The following LRP1B variants were observed in gnomAD, a reference collection of about 807,000 sequenced individuals.
The protein encoded by LRP1B is LDL receptor related protein 1B.
A neutral mutation model predicts 556.6 loss-of-function variants in LRP1B; 217 were observed. The ratio of observed to expected loss-of-function variants is 0.39; its 90% CI spans 0.35 to 0.44. The LOEUF is 0.44. Among genes scored for constraint, LRP1B ranks in the 20% least tolerant of loss-of-function variants. LRP1B has a pLI of 1.00. For missense variants in LRP1B, 5,053 were observed against 5,620.8 expected, an observed-to-expected ratio of 0.90 and a Z score of 3.23; for synonymous variants, 2,047 against 1,865.8, an observed-to-expected ratio of 1.10 and a Z score of -2.50.
intron 2 of LRP1B, among the ~76,000 whole-genome samples, chr2:141,679,684 T>A (rs1167539549): frequency 1.3e-5 from 2 of 152,092 alleles, no homozygotes; most frequent in Non-Finnish European, 2.9e-5. Context: ...CTGGACAAAC[T>A]AAATATACAT....
rs956966636 is a variant in LRP1B, at chr2:141,185,995, C to T, written c.1013+2426G>A. ...TCAGGAGGCTGAGGCAGGAGAATCG[C>T]TTGAACCCTGGAGGCAGAGGTTGCA... On this transcript the variant is annotated intron_variant, in intron 7 of 90. Transcript: ENST00000389484. Among the ~76,000 whole-genome samples, 36 of 141,290 alleles carry T rather than the reference C, an allele frequency of 2.5e-4. 1 individual carries two copies. The highest frequency in any genetic ancestry group is 9.1e-4 in the African/African-American group (35 of 38,270). 92.7% of individuals were successfully genotyped at this position (141,290 alleles called of 152,430 possible). A position where few individuals can be genotyped will look rare whatever the true frequency, so the allele number is the denominator to read the frequency against.
intron 2 of LRP1B, among the ~76,000 whole-genome samples, chr2:141,751,300 C>T (rs1316456948): frequency 6.6e-6 from 1 of 151,906 alleles, no homozygotes; most frequent in Admixed American, 6.6e-5. Context: ...AAAGCCAATT[C>T]TGGAAAATAC....
intron 3 of LRP1B, among the ~76,000 whole-genome samples, chr2:141,331,305 G>T (rs1168332403): frequency 1.3e-5 from 2 of 152,080 alleles, no homozygotes; most frequent in African/African-American, 4.8e-5. Flanking sequence ...GAGCTCAAAT[G>T]AATTTTAAAA....
At chr2:141,084,884 C>T (rs1344407171) in intron 7 of LRP1B, among the ~76,000 whole-genome samples, 2 of 151,968 alleles carry the variant, frequency 1.3e-5, no homozygotes, top group Admixed American at 6.6e-5. Flanking sequence ...CTCCTGACCT[C>T]GTGATCCGCC....
chr2:140,727,436 T>C (rs1327512167), intron 35 of LRP1B, among the ~76,000 whole-genome samples: 1 of 152,122 alleles, frequency 6.6e-6, no homozygotes, highest in African/African-American at 2.4e-5. Flanking sequence ...CTCATGCTGG[T>C]TGAAACCTCT....
intron 10 of LRP1B, among the ~76,000 whole-genome samples, chr2:141,050,343 T>C (rs765721285): frequency 6.6e-6 from 1 of 151,978 alleles, no homozygotes; most frequent in African/African-American, 2.4e-5. Flanking sequence ...TTTTTAAAAA[T>C]TTTACTTTAA....
intron 31 of LRP1B, among the ~76,000 whole-genome samples, chr2:140,818,119 T>C (rs114124641): frequency 0.042 from 3,013 of 72,094 alleles, 100 homozygotes; most frequent in African/African-American, 0.085. Flanking sequence ...CTGGGCCTTT[T>C]AAATTTTGCT....
At chr2:140,347,291 A>T (rs1000860495) in intron 77 of LRP1B, among the ~76,000 whole-genome samples, 1 of 151,774 alleles carries the variant, frequency 6.6e-6, no homozygotes, top group Non-Finnish European at 1.5e-5. Flanking sequence ...ATTATTTCTT[A>T]AACGAAAAAA....
intron 3 of LRP1B, among the ~76,000 whole-genome samples, chr2:141,306,053 CTTG>C (rs1278535713): frequency 3.9e-5 from 6 of 152,002 alleles, no homozygotes; most frequent in East Asian, 3.9e-4. Context: ...GTTTTCTTTC[CTTG>C]TTGTATCTTT....
At chr2:141,920,246 G>A (rs533650727) in intron 1 of LRP1B, among the ~76,000 whole-genome samples, 1 of 126,486 alleles carries the variant, frequency 7.9e-6, no homozygotes, top group African/African-American at 2.9e-5. Context: ...CCAGGATGGT[G>A]ATCTCTGTTT....
intron 3 of LRP1B, among the ~76,000 whole-genome samples, chr2:141,298,231 T>C (rs543314534): frequency 6.6e-6 from 1 of 152,298 alleles, no homozygotes; most frequent in East Asian, 1.9e-4. Flanking sequence ...AGGTGTGTAG[T>C]AAAAATGTGG....
At chr2:141,942,756 T>A (rs140989095) in intron 1 of LRP1B, among the ~76,000 whole-genome samples, 2 of 152,066 alleles carry the variant, frequency 1.3e-5, no homozygotes, top group South Asian at 4.1e-4. Context: ...TCTTTAGGGG[T>A]CTTTCTATTT....
intron 43 of LRP1B, among the ~76,000 whole-genome samples, chr2:140,568,340 T>C (rs1429248352): frequency 6.7e-6 from 1 of 149,110 alleles, no homozygotes; most frequent in Non-Finnish European, 1.5e-5. Context: ...ATGAATAAAA[T>C]AAAAAAATAT....
chr2:141,482,955 TTTTTA>T (rs1682977543), intron 2 of LRP1B, among the ~76,000 whole-genome samples: 1 of 151,050 alleles, frequency 6.6e-6, no homozygotes, highest in Non-Finnish European at 1.5e-5. Context: ...TTGTTTTGTT[TTTTTA>T]TTTTATTTTA....
intron 41 of LRP1B, among the ~76,000 whole-genome samples, chr2:140,616,734 A>C (rs988960589): frequency 4.6e-5 from 7 of 151,948 alleles, no homozygotes; most frequent in African/African-American, 1.7e-4. Context: ...ATATGCTGAC[A>C]GAAAATTATT....
intron 1 of LRP1B, among the ~76,000 whole-genome samples, chr2:141,924,463 A>G (rs1700282275): frequency 6.6e-6 from 1 of 152,128 alleles, no homozygotes; most frequent in South Asian, 2.1e-4. Context: ...AGAGCTAAGG[A>G]TACAGAAAGC....
At position 140,878,380 on chromosome 2, in the gene LRP1B, C is replaced by T. The variant is rs528325180; in HGVS notation, c.4169+5437G>A. Among the ~76,000 whole-genome samples the T allele has an allele frequency of 1.8e-3, 275 of 151,786 alleles. 1 individual carries two copies. Among genetic ancestry groups the T allele is most frequent in the African/African-American group, 5.9e-3 (246 of 41,368 alleles). On this transcript the variant is annotated intron_variant, in intron 25 of 90. Transcript: ENST00000389484. ...TATTAATTATCTGAAAATATTAGCA[C>T]GAAATTATTTATAAACAAAATTAAT... is the stretch of plus-strand genomic sequence containing the variant.
intron 45 of LRP1B, among the ~76,000 whole-genome samples, chr2:140,537,510 TC>T (rs1679964159): frequency 6.6e-6 from 1 of 151,974 alleles, no homozygotes; most frequent in Non-Finnish European, 1.5e-5. Flanking sequence ...TTAAAATAAG[TC>T]ACTTGTCCCA....
chr2:140,684,464 C>A (rs1316563199), intron 41 of LRP1B, among the ~76,000 whole-genome samples: 4 of 152,196 alleles, frequency 2.6e-5, no homozygotes, highest in Non-Finnish European at 2.9e-5. Flanking sequence ...CCTAAGCATG[C>A]AGGACACCAT....
Sources: allele counts gnomAD v4.1 joint callset (sites outside exome capture counted in the v4.1 genomes callset), GRCh38; gene constraint gnomAD v4.1.1; transcripts MANE v1.5; gene names NCBI Gene and HGNC (gene_info 2026-07-23, HGNC 2026-07-21).